Variants in ERCC6L2 observed in about 807,000 individuals in gnomAD.
ERCC6L2 encodes the protein ERCC excision repair 6 like 2, also known as DNA excision repair protein ERCC-6-like 2.
A neutral mutation model predicts 132.0 loss-of-function variants in ERCC6L2; 77 were observed. That is an observed-to-expected ratio of 0.58 (90% CI 0.49 to 0.71). The LOEUF is 0.71. Ranked by LOEUF, ERCC6L2 falls within the 30% of genes least tolerant of loss-of-function variation. ERCC6L2 has a pLI of 0.00. For synonymous variants in ERCC6L2, 583 were observed against 632.4 expected (o/e 0.92, Z 1.17); for missense variants, 1,542 against 1,837.6 (o/e 0.84, Z 2.94).
intron 19 of ERCC6L2, among the ~76,000 whole-genome samples, chr9:96,031,211 A>G (rs774061694): frequency 2.0e-5 from 3 of 152,196 alleles, no homozygotes; most frequent in Non-Finnish European, 4.4e-5. Flanking sequence ...ATGGAGAGAG[A>G]TCATTCAGGA....
intron 13 of ERCC6L2, among the ~76,000 whole-genome samples, chr9:95,959,905 G>A (rs1292186104): frequency 1.3e-5 from 2 of 152,008 alleles, no homozygotes; most frequent in African/African-American, 4.8e-5. Context: ...CTACTGAAAA[G>A]GTAGGTGCAG....
chr9:96,032,930 C>T (rs973149426), intron 19 of ERCC6L2, among the ~76,000 whole-genome samples: 3 of 152,196 alleles, frequency 2.0e-5, no homozygotes, highest in Admixed American at 6.5e-5. Context: ...GGAACCCCCA[C>T]AGAGGCATGG....
chr9:95,877,217 AGTTGTTCT>A (rs1827322160), intron 1 of ERCC6L2: 1 of 152,234 alleles, frequency 6.6e-6, no homozygotes, highest in Admixed American at 6.5e-5. Flanking sequence ...CAATTTAAGC[AGTTGTTCT>A]GTAGTTTGGA....
In ERCC6L2 at chr9:95,881,181, A is replaced by G. The variant is rs1428222125; in HGVS notation, c.359A>G (p.Asn120Ser). The part of the protein sequence containing the change: ...DNGDSIPYTI[N>S]RYLRDYQREG... ...GGAGACTCTATTCCTTATACCATCA[A>G]TAGGTATTTGAGAGACTACCAAAGA... The change falls in exon 2 of 19, where the codon AAT (asparagine) becomes AGT (serine). Residue 120 changes from asparagine to serine, a missense_variant. By Grantham distance (46) the Asn-to-Ser change is conservative. Coordinates refer to ENST00000653738, the MANE Select transcript of ERCC6L2 (RefSeq NM_020207.7). 4.3e-6 allele frequency: 7 copies of G among 1,613,214 alleles called. No homozygotes were observed. Among genetic ancestry groups the G allele is most frequent in the Non-Finnish European group, 5.1e-6 (6 of 1,179,750 alleles).
In ERCC6L2 at chr9:95,937,172, G is replaced by A. The variant is rs77202290; in HGVS notation, c.1752-4282G>A. The stretch of plus-strand genomic sequence containing the variant: ...AACTGCTGCATTATGTGATAGTTGC[G>A]TATTTCGTTTTATAAGAAATTGCTA... On this transcript the variant is annotated intron_variant, in intron 11 of 18. Transcript: ENST00000653738. 7.7e-3 allele frequency among the ~76,000 whole-genome samples: 1,172 copies of A among 152,202 alleles called. 19 individuals carry two copies. Among genetic ancestry groups the A allele is most frequent in the African/African-American group, 0.027 (1,113 of 41,548 alleles).
At chr9:95,946,567 CTAAA>C (rs1831074885) in intron 12 of ERCC6L2, among the ~76,000 whole-genome samples, 1 of 151,994 alleles carries the variant, frequency 6.6e-6, no homozygotes, top group Non-Finnish European at 1.5e-5. Flanking sequence ...ATCCACTAGG[CTAAA>C]TAAATATATA....
In ERCC6L2 at chr9:96,018,360, T is replaced by C. The variant is rs779923308; in HGVS notation, c.*5157T>C. Among the ~76,000 whole-genome samples, 1 of 152,220 alleles carries C rather than the reference T, an allele frequency of 6.6e-6. No individual in the cohort carries two copies. The highest frequency in any genetic ancestry group is 2.4e-5 in the African/African-American group (1 of 41,446). ...TTGCTGACTATATTTTACTTATCAA[T>C]TTGAAATTATATTGTTTTTATGTTG... is the stretch of plus-strand genomic sequence containing the variant. On this transcript the variant is annotated 3_prime_UTR_variant, in exon 19 of 19. Coordinates refer to ENST00000653738, the MANE Select transcript of ERCC6L2 (RefSeq NM_020207.7).
At chr9:95,890,772 AT>A (rs1828117649) in intron 2 of ERCC6L2, among the ~76,000 whole-genome samples, 1 of 151,984 alleles carries the variant, frequency 6.6e-6, no homozygotes, top group Non-Finnish European at 1.5e-5. Flanking sequence ...GGCTCAAGTG[AT>A]CCTCCCCACC....
intron 2 of ERCC6L2, among the ~76,000 whole-genome samples, chr9:95,888,442 T>C (rs551105293): frequency 6.6e-6 from 1 of 152,252 alleles, no homozygotes; most frequent in Non-Finnish European, 1.5e-5. Flanking sequence ...GGTGACTGAT[T>C]TAAATATTTG....
chr9:95,977,026 G>C (rs571776266), intron 16 of ERCC6L2, among the ~76,000 whole-genome samples: 41 of 152,208 alleles, frequency 2.7e-4, no homozygotes, highest in African/African-American at 9.9e-4. Flanking sequence ...TAGATTTTAG[G>C]TTTGAGGAAT....
At chr9:95,913,208 A>G (rs1460261621) in intron 4 of ERCC6L2, among the ~76,000 whole-genome samples, 1 of 152,124 alleles carries the variant, frequency 6.6e-6, no homozygotes, top group African/African-American at 2.4e-5. Context: ...TTACTTTATT[A>G]TGTTTGGCAA....
At chr9:95,959,943 G>A (rs1831822484) in intron 13 of ERCC6L2, among the ~76,000 whole-genome samples, 1 of 152,020 alleles carries the variant, frequency 6.6e-6, no homozygotes, top group South Asian at 2.1e-4. Flanking sequence ...TTTAGAGTCA[G>A]CAGATACTAA....
intron 11 of ERCC6L2, among the ~76,000 whole-genome samples, chr9:95,934,193 T>G (rs182639679): frequency 2.6e-5 from 4 of 152,292 alleles, no homozygotes; most frequent in African/African-American, 9.6e-5. Context: ...TTTTGCCTTT[T>G]CTTTGTAAAA....
At chr9:95,977,970 C>T (rs200496211) in intron 16 of ERCC6L2, 91 bp from the exon 17 acceptor site, 3 of 817,106 alleles carry the variant, frequency 3.7e-6, no homozygotes, top group Non-Finnish European at 4.9e-6. Context: ...TGATGTTTCT[C>T]TTGAGTATTA....
intron 16 of ERCC6L2, among the ~76,000 whole-genome samples, chr9:95,977,320 T>C (rs1046176787): frequency 6.6e-6 from 1 of 152,216 alleles, no homozygotes; most frequent in Non-Finnish European, 1.5e-5. Context: ...AATTTCTGAT[T>C]GAAGAGGTTC....
rs759879090 is a variant in ERCC6L2, at chr9:95,941,364, T to C, written c.1752-90T>C. 5.6e-5 allele frequency: 47 copies of C among 834,888 alleles called. 1 individual carries two copies. Among genetic ancestry groups the C allele is most frequent in the Non-Finnish European group, 8.3e-5 (42 of 506,224 alleles). The allele number at this position is 834,888 out of a possible 1,614,324, so 51.7% of individuals were successfully genotyped here. A position where few individuals can be genotyped will look rare whatever the true frequency, so the allele number is the denominator to read the frequency against. The stretch of plus-strand genomic sequence containing the variant: ...GAAATTAATGCAATATCGTACTGTT[T>C]TGGCTATAGAAACCTGGCACAGTTG... On this transcript the variant is annotated intron_variant, in intron 11 of 18. Transcript: ENST00000653738.
chr9:95,922,711 T>A (rs963360192), intron 8 of ERCC6L2, among the ~76,000 whole-genome samples: 1 of 152,166 alleles, frequency 6.6e-6, no homozygotes, highest in Non-Finnish European at 1.5e-5. Flanking sequence ...GATGGGTCAG[T>A]TCTATTCCTC....
intron 2 of ERCC6L2, among the ~76,000 whole-genome samples, chr9:95,887,086 A>G (rs528923999): frequency 2.6e-4 from 39 of 152,244 alleles, no homozygotes; most frequent in African/African-American, 8.9e-4. Context: ...ATATATCTCT[A>G]TTCCATTAGT....
intron 18 of ERCC6L2, among the ~76,000 whole-genome samples, chr9:96,009,948 T>C (rs2133217979): frequency 6.6e-6 from 1 of 152,320 alleles, no homozygotes; most frequent in East Asian, 1.9e-4. Context: ...CCACCAAGCC[T>C]TGGATAAATA....
Sources: allele counts gnomAD v4.1 joint callset (sites outside exome capture counted in the v4.1 genomes callset), GRCh38; gene constraint gnomAD v4.1.1; transcripts MANE v1.5; gene names NCBI Gene and HGNC (gene_info 2026-07-23, HGNC 2026-07-21).